Variants in PIK3CB observed in about 807,000 individuals in gnomAD.
PIK3CB encodes phosphatidylinositol-4,5-bisphosphate 3-kinase catalytic subunit beta.
In PIK3CB, 39 loss-of-function variants were observed where a neutral mutation model predicts 136.8. The ratio of observed to expected loss-of-function variants is 0.29; its 90% CI spans 0.22 to 0.37. The LOEUF is 0.37. Ranked by LOEUF, PIK3CB falls within the 10% of genes least tolerant of loss-of-function variation. The pLI, the probability that PIK3CB is intolerant of heterozygous loss-of-function variation, is 1.00. For missense variants in PIK3CB, 868 were observed against 1,275.4 expected (o/e 0.68, Z 4.87); for synonymous variants, 428 against 436.6 (o/e 0.98, Z 0.25).
chr3:138,714,729 A>G lies in PIK3CB; in HGVS notation c.1051-10T>C, dbSNP rs2044572997. On this transcript the variant is annotated splice_polypyrimidine_tract_variant and intron_variant, in intron 8 of 23. Coordinates refer to ENST00000674063, the MANE Select transcript of PIK3CB (RefSeq NM_006219.3). Reference sequence around the variant, plus strand: ...CAGCCCTGACATGAACCTGTAACGAAGCAGACAAAAACAAAAACAAAGTCA... The same window carrying G: ...CAGCCCTGACATGAACCTGTAACGAGGCAGACAAAAACAAAAACAAAGTCA... 6.4e-7 allele frequency: 1 copy of G among 1,569,826 alleles called. No homozygotes were observed. Among genetic ancestry groups the G allele is most frequent in the East Asian group, 2.3e-5 (1 of 43,982 alleles).
chr3:138,734,292 G>C (rs923527815), intron 7 of PIK3CB, among the ~76,000 whole-genome samples: 3 of 152,042 alleles, frequency 2.0e-5, no homozygotes, highest in African/African-American at 7.2e-5. Context: ...AAATATACTG[G>C]TTAATTCAAT....
At position 138,691,106 on chromosome 3, in the gene PIK3CB, G is replaced by A; in HGVS notation, c.1930C>T (p.Gln644Ter). ...AGAAAAGGCTCATATTTTAACACTTGCACCAGTTGTAAAAGATATTGAGAA... is the reference window on the plus strand; with the variant it reads ...AGAAAAGGCTCATATTTTAACACTTACACCAGTTGTAAAAGATATTGAGAA... ...ELSQYLLQLVQVLKYEPFLDC... is the reference protein window; with the variant it reads ...ELSQYLLQLV Residue 644 changes from glutamine to a stop codon, truncating the protein, a stop_gained, in exon 15 of 24, where the codon CAA becomes TAA. Coordinates refer to ENST00000674063, the MANE Select transcript of PIK3CB (RefSeq NM_006219.3). LOFTEE classifies it high-confidence loss of function. 6.2e-7 allele frequency: 1 copy of A among 1,612,886 alleles called. No homozygotes were observed. The highest frequency in any genetic ancestry group is 8.5e-7 in the Non-Finnish European group (1 of 1,179,042).
chr3:138,758,247 G>T (rs1188940053), intron 3 of PIK3CB, among the ~76,000 whole-genome samples: 1 of 152,164 alleles, frequency 6.6e-6, no homozygotes, highest in African/African-American at 2.4e-5. Flanking sequence ...AAATAAAAAG[G>T]AATTGAGGGA....
chr3:138,759,081 A>G, intron 3 of PIK3CB, 92 bp downstream of exon 3: 1 of 791,592 alleles, frequency 1.3e-6, no homozygotes, highest in Non-Finnish European at 1.9e-6. Context: ...ATTATCACAT[A>G]TAATTTACAT....
At chr3:138,741,915 T>C (rs1324650015) in intron 5 of PIK3CB, among the ~76,000 whole-genome samples, 3 of 152,156 alleles carry the variant, frequency 2.0e-5, no homozygotes. Context: ...ACAACAGTAG[T>C]AGCATCATCT....
At chr3:138,726,570 A>G (rs542673938) in intron 8 of PIK3CB, among the ~76,000 whole-genome samples, 25 of 152,332 alleles carry the variant, frequency 1.6e-4, no homozygotes, top group African/African-American at 4.8e-4. Flanking sequence ...AGAAGAGAAA[A>G]AAGAAACAAA....
At chr3:138,723,521 G>A (rs1423136442) in intron 8 of PIK3CB, among the ~76,000 whole-genome samples, 1 of 152,146 alleles carries the variant, frequency 6.6e-6, no homozygotes, top group Non-Finnish European at 1.5e-5. Context: ...CTGCACTCCA[G>A]CCTGGGTGAC....
chr3:138,810,899 G>A (rs912544588), intron 1 of PIK3CB, among the ~76,000 whole-genome samples: 6 of 151,378 alleles, frequency 4.0e-5, no homozygotes, highest in South Asian at 2.1e-4. Context: ...CAGCCTAGGC[G>A]ACAGAGCGAG....
At chr3:138,820,576 C>G (rs973788360) in intron 1 of PIK3CB, among the ~76,000 whole-genome samples, 15 of 152,174 alleles carry the variant, frequency 9.9e-5, no homozygotes, top group African/African-American at 3.4e-4. Flanking sequence ...TCACTGCAAC[C>G]ACTGCCTCCG....
intron 21 of PIK3CB, among the ~76,000 whole-genome samples, chr3:138,663,479 T>G (rs2043342203): frequency 6.6e-5 from 10 of 152,144 alleles, no homozygotes; most frequent in Admixed American, 6.5e-4. Flanking sequence ...CCTCCCAGGT[T>G]CAAGTGATTC....
chr3:138,665,698 A>G (rs1264515524), intron 19 of PIK3CB, among the ~76,000 whole-genome samples: 7 of 152,150 alleles, frequency 4.6e-5, no homozygotes, highest in African/African-American at 1.7e-4. Context: ...CCTCCTGAGT[A>G]GCTGGGACTA....
intron 2 of PIK3CB, chr3:138,778,360 A>G: frequency 3.2e-6 from 1 of 313,256 alleles, no homozygotes; most frequent in Non-Finnish European, 6.3e-6. Flanking sequence ...CATCCATGCT[A>G]CTATCACTGA....
At chr3:138,662,547 T>C (rs544642448) in intron 21 of PIK3CB, among the ~76,000 whole-genome samples, 29 of 149,772 alleles carry the variant, frequency 1.9e-4, no homozygotes, top group Middle Eastern at 7.0e-3. Flanking sequence ...GTCTTTGCTA[T>C]TGTGAATAGT....
chr3:138,733,468 T>C (rs1205728488), intron 7 of PIK3CB, 30 bp from the exon 8 acceptor site: 10 of 1,117,578 alleles, frequency 8.9e-6, no homozygotes, highest in Non-Finnish European at 1.2e-5. Context: ...ATACAAATTA[T>C]TTTAATGAAA....
chr3:138,741,939 G>A (rs2045254079), intron 5 of PIK3CB, among the ~76,000 whole-genome samples: 2 of 151,916 alleles, frequency 1.3e-5, no homozygotes, highest in South Asian at 4.2e-4. Flanking sequence ...TTGTATAATT[G>A]CTATGAACAT....
intron 2 of PIK3CB, among the ~76,000 whole-genome samples, chr3:138,785,504 T>G (rs1446946693): frequency 2.0e-5 from 3 of 152,192 alleles, no homozygotes; most frequent in Non-Finnish European, 4.4e-5. Flanking sequence ...ATGCTGTTAA[T>G]CTATAACCTT....
rs2043150410 is a variant in PIK3CB at position 138,653,765 on chromosome 3, A to G, written c.*1624T>C. 1 of 191,370 alleles carries G rather than the reference A, an allele frequency of 5.2e-6. No individual in the cohort carries two copies. The highest frequency in any genetic ancestry group is 1.1e-5 in the Non-Finnish European group (1 of 91,448). The allele number at this position is 191,370 out of a possible 1,614,324, so 11.9% of individuals were successfully genotyped here. The stretch of plus-strand genomic sequence containing the variant: ...AAGCAGCAGAGTCTGGCCTTGGCTC[A>G]GTGCCAAGTAACTACCCAGACTTCA... On this transcript the variant is annotated 3_prime_UTR_variant, in exon 24 of 24. Coordinates refer to ENST00000674063, the MANE Select transcript of PIK3CB (RefSeq NM_006219.3).
At chr3:138,757,429 A>C (rs2045589441) in intron 3 of PIK3CB, among the ~76,000 whole-genome samples, 1 of 151,520 alleles carries the variant, frequency 6.6e-6, no homozygotes, top group African/African-American at 2.4e-5. Flanking sequence ...AAACAAAAAA[A>C]AACCCACAAT....
intron 3 of PIK3CB, among the ~76,000 whole-genome samples, chr3:138,756,396 T>A (rs550786721): frequency 5.3e-5 from 8 of 152,326 alleles, no homozygotes; most frequent in Non-Finnish European, 1.0e-4. Flanking sequence ...CACTTTCCTG[T>A]AAGCAGAAAC....
Sources: gnomAD v4.1 joint callset for allele counts (sites outside exome capture counted in the v4.1 genomes callset) on GRCh38, gnomAD v4.1.1 for gene constraint, MANE v1.5 for transcripts, NCBI Gene and HGNC (gene_info 2026-07-23, HGNC 2026-07-21) for gene names.